Variants in F13A1 observed in about 807,000 individuals in gnomAD.
F13A1 encodes FSF, A subunit.
A neutral mutation model predicts 80.1 loss-of-function variants in F13A1; 47 were observed. The ratio of observed to expected loss-of-function variants is 0.59; its 90% CI spans 0.46 to 0.75. F13A1 has a LOEUF of 0.75. F13A1 is among the 30% of genes least tolerant of loss of function. The pLI, the probability that F13A1 is intolerant of heterozygous loss-of-function variation, is 0.00. For missense variants in F13A1, 817 were observed against 930.4 expected, an observed-to-expected ratio of 0.88 and a Z score of 1.59; for synonymous variants, 349 against 344.9, an observed-to-expected ratio of 1.01 and a Z score of -0.13.
chr6:6,213,786 CT>C lies in F13A1; in HGVS notation c.1112+8246del, dbSNP rs1761668989. Among the ~76,000 whole-genome samples, 3 of 149,040 alleles carry C rather than the reference CT, an allele frequency of 2.0e-5. No homozygotes were observed. The South Asian group carries it at 6.5e-4, about 32-fold the overall frequency. ...AGTGTGCTGTATTCAGGAAACCCAT[CT>C]CACGTGCAGAGACACACATAGGCTC... On this transcript the variant is annotated intron_variant, in intron 8 of 14. Coordinates refer to ENST00000264870, the MANE Select transcript of F13A1 (RefSeq NM_000129.4).
intron 3 of F13A1, among the ~76,000 whole-genome samples, chr6:6,279,870 A>G (rs1758037736): frequency 6.6e-6 from 1 of 152,232 alleles, no homozygotes; most frequent in Non-Finnish European, 1.5e-5. Flanking sequence ...TCCAAACAAA[A>G]CAGGCCAACT....
At chr6:6,278,236 G>A (rs1018791563) in intron 3 of F13A1, among the ~76,000 whole-genome samples, 1 of 152,066 alleles carries the variant, frequency 6.6e-6, no homozygotes, top group Non-Finnish European at 1.5e-5. Flanking sequence ...GGGAGTATAC[G>A]GACAATAAAC....
intron 4 of F13A1, among the ~76,000 whole-genome samples, chr6:6,265,168 T>G (rs931655045): frequency 6.6e-6 from 1 of 152,160 alleles, no homozygotes; most frequent in Non-Finnish European, 1.5e-5. Context: ...TCTAGATGAG[T>G]AGCAAATATT....
chr6:6,147,303 TAAAAAA>T (rs567837553), intron 14 of F13A1, among the ~76,000 whole-genome samples: 3 of 151,970 alleles, frequency 2.0e-5, no homozygotes, highest in Admixed American at 6.6e-5. Context: ...CCTATAGAAA[TAAAAAA>T]AGAAAAGAAG....
chr6:6,155,345 G>C (rs1376048961), intron 13 of F13A1, among the ~76,000 whole-genome samples: 3 of 152,162 alleles, frequency 2.0e-5, no homozygotes, highest in African/African-American at 7.2e-5. Flanking sequence ...AATTTCATAT[G>C]TCATGCCTAA....
chr6:6,260,841 G>A lies in F13A1; in HGVS notation c.571+5717C>T, dbSNP rs576006408. 3.3e-5 allele frequency among the ~76,000 whole-genome samples: 5 copies of A among 152,324 alleles called. No individual in the cohort carries two copies. The South Asian group carries it at 6.2e-4, about 19-fold the overall frequency. On this transcript the variant is annotated intron_variant, in intron 4 of 14. Coordinates refer to ENST00000264870, the MANE Select transcript of F13A1 (RefSeq NM_000129.4). ...ACAGAATGGGAGAGAAAAGTTCAGA[G>A]AATAAAGGAGAACAGTAGGAGAGAG...
At chr6:6,293,525 C>T in intron 3 of F13A1, among the ~76,000 whole-genome samples, 1 of 151,796 alleles carries the variant, frequency 6.6e-6, no homozygotes. Context: ...ACACCTCCCA[C>T]CTAACACAGA....
chr6:6,212,949 T>C (rs1427854455), intron 8 of F13A1, among the ~76,000 whole-genome samples: 14 of 151,974 alleles, frequency 9.2e-5, no homozygotes, highest in Non-Finnish European at 1.3e-4. Flanking sequence ...ATGAAATGAA[T>C]GAAATGAAGT....
At position 6,151,821 on chromosome 6, in the gene F13A1, C is replaced by G; in HGVS notation, c.2037G>C (p.Lys679Asn). 6.2e-7 allele frequency: 1 copy of G among 1,614,088 alleles called. No individual in the cohort carries two copies. The highest frequency in any genetic ancestry group is 8.5e-7 in the Non-Finnish European group (1 of 1,179,956). ...CCCAACCCAAGGTTTACCGGAACAT[C>G]TTCTTCATTGGTCTTGTTACTCCAG... Reference protein sequence around the residue: ...DGPGVTRPMKKMFREIRPNST... With the variant: ...DGPGVTRPMKNMFREIRPNST... Residue 679 changes from lysine to asparagine, a missense_variant, in exon 14 of 15, where the codon AAG (lysine) becomes AAC (asparagine). Physicochemically the swap from Lys to Asn is moderately conservative, Grantham distance 94. Transcript: ENST00000264870.
At chr6:6,181,673 A>C (rs958586405) in intron 11 of F13A1, among the ~76,000 whole-genome samples, 15 of 152,352 alleles carry the variant, frequency 9.8e-5, no homozygotes, top group African/African-American at 3.4e-4. Flanking sequence ...AGTGTTTTCT[A>C]ATAGGATTAT....
At chr6:6,211,819 G>A (rs1038445955) in intron 8 of F13A1, among the ~76,000 whole-genome samples, 26 of 152,184 alleles carry the variant, frequency 1.7e-4, no homozygotes, top group South Asian at 2.1e-4. Flanking sequence ...TAGTGGGTGC[G>A]CGCACCATGC....
Position 6,293,425 on chromosome 6 carries a change from C to G in F13A1, c.319+11926G>C, listed in dbSNP as rs371230065. ...CCCCTCCTTGCCTTTCATGATTTGT[C>G]GAGGCTGCAGGCTCAGAGGTGAGAG... is the stretch of plus-strand genomic sequence containing the variant. On this transcript the variant is annotated intron_variant, in intron 3 of 14. Coordinates refer to ENST00000264870, the MANE Select transcript of F13A1 (RefSeq NM_000129.4). Among the ~76,000 whole-genome samples the G allele has an allele frequency of 3.3e-5, 5 of 151,952 alleles. No homozygotes were observed. The East Asian group carries it at 5.8e-4, about 18-fold the overall frequency.
chr6:6,293,722 G>A (rs1758266346), intron 3 of F13A1, among the ~76,000 whole-genome samples: 1 of 144,824 alleles, frequency 6.9e-6, no homozygotes, highest in Admixed American at 7.1e-5. Flanking sequence ...AAGGAAGAAG[G>A]AAAGAAGGGA....
chr6:6,290,393 A>G (rs993048384), intron 3 of F13A1, among the ~76,000 whole-genome samples: 1 of 152,226 alleles, frequency 6.6e-6, no homozygotes, highest in Non-Finnish European at 1.5e-5. Flanking sequence ...ATATGCCTCT[A>G]TAGTTCAGCA....
At chr6:6,275,023 A>T (rs895119496) in intron 3 of F13A1, among the ~76,000 whole-genome samples, 2 of 152,170 alleles carry the variant, frequency 1.3e-5, no homozygotes, top group Non-Finnish European at 2.9e-5. Context: ...GGGGATGGAG[A>T]TGGGGCAGGA....
chr6:6,167,439 A>G lies in F13A1; in HGVS notation c.1908+19T>C, dbSNP rs768255836. 6 of 1,612,826 alleles carry G rather than the reference A, an allele frequency of 3.7e-6. No individual in the cohort carries two copies. Among genetic ancestry groups the G allele is most frequent in the Non-Finnish European group, 5.1e-6 (6 of 1,179,822 alleles). On this transcript the variant is annotated intron_variant, in intron 13 of 14. Coordinates refer to ENST00000264870, the MANE Select transcript of F13A1 (RefSeq NM_000129.4). ...TGCGTGCCTTTGTCTCTGTTCCAGG[A>G]TGAGACGCTAAGACTGACCTTGATG...
At chr6:6,291,171 C>T (rs1030288817) in intron 3 of F13A1, among the ~76,000 whole-genome samples, 20 of 152,148 alleles carry the variant, frequency 1.3e-4, no homozygotes, top group African/African-American at 3.6e-4. Context: ...TCTCCACCTA[C>T]GGCAGTCATA....
Position 6,319,561 on chromosome 6 carries a change from A to G in F13A1, c.-18-879T>C, listed in dbSNP as rs777767413. Among the ~76,000 whole-genome samples the G allele has an allele frequency of 9.8e-4, 149 of 152,302 alleles. 1 individual carries two copies. The highest frequency in any genetic ancestry group is 1.9e-3 in the Non-Finnish European group (127 of 68,024). ...GTAAGTACTTGTTGACCAAATGACC[A>G]AATGAAGGGGGACTTTGTTTCTGGG... is the stretch of plus-strand genomic sequence containing the variant. On this transcript the variant is annotated intron_variant, in intron 1 of 14. Transcript: ENST00000264870.
At chr6:6,153,565 AT>A (rs1447863804) in intron 13 of F13A1, among the ~76,000 whole-genome samples, 4 of 152,194 alleles carry the variant, frequency 2.6e-5, no homozygotes, top group Non-Finnish European at 5.9e-5. Context: ...TTAAATCCGC[AT>A]CTCCTGGAGG....
Sources: gnomAD v4.1 joint callset for allele counts (sites outside exome capture counted in the v4.1 genomes callset) on GRCh38, gnomAD v4.1.1 for gene constraint, MANE v1.5 for transcripts, NCBI Gene and HGNC (gene_info 2026-07-23, HGNC 2026-07-21) for gene names.